The following AFG2A variants were observed in gnomAD, a reference collection of about 807,000 sequenced individuals.
The protein encoded by AFG2A is ATPase family gene 2 protein homolog A.
the AFG2A span, among the ~76,000 whole-genome samples, chr4:122,985,445 C>G: frequency 6.6e-6 from 1 of 152,058 alleles, no homozygotes; most frequent in African/African-American, 2.4e-5. Context: ...TTTTAAATTA[C>G]CATTTCAATC....
At chr4:123,162,270 A>G in the AFG2A span, among the ~76,000 whole-genome samples, 2 of 152,228 alleles carry the variant, frequency 1.3e-5, no homozygotes, top group African/African-American at 4.8e-5. Context: ...ACCACCTTCA[A>G]ATACATGCAA....
the AFG2A span, among the ~76,000 whole-genome samples, chr4:123,138,852 T>C: frequency 6.6e-6 from 1 of 152,028 alleles, no homozygotes; most frequent in East Asian, 1.9e-4. Context: ...ACATTTTTTC[T>C]TAGGATACCA....
the AFG2A span, among the ~76,000 whole-genome samples, chr4:123,228,186 G>A: frequency 2.5e-4 from 38 of 152,044 alleles, no homozygotes; most frequent in African/African-American, 5.6e-4. Flanking sequence ...TTGCCAGTCC[G>A]TGTATTTTAA....
chr4:122,979,154 T>A, the AFG2A span: 1 of 1,509,846 alleles, frequency 6.6e-7, no homozygotes, highest in Non-Finnish European at 8.9e-7. Flanking sequence ...CCACTCCAGA[T>A]GGGCCACCGG....
the AFG2A span, among the ~76,000 whole-genome samples, chr4:123,062,108 A>G: frequency 6.6e-6 from 1 of 152,226 alleles, no homozygotes; most frequent in East Asian, 1.9e-4. Flanking sequence ...AATGATTTGC[A>G]GCTTCTAGAT....
chr4:123,054,800 A>C, the AFG2A span, among the ~76,000 whole-genome samples: 1 of 152,098 alleles, frequency 6.6e-6, no homozygotes, highest in Non-Finnish European at 1.5e-5. Context: ...TCCACAACAC[A>C]TTAATTTTAT....
the AFG2A span, among the ~76,000 whole-genome samples, chr4:122,923,720 C>T: frequency 6.6e-6 from 1 of 152,162 alleles, no homozygotes; most frequent in Non-Finnish European, 1.5e-5. Context: ...ATAGCATTTT[C>T]TTCCAGTACT....
At chr4:123,116,096 G>T in the AFG2A span, among the ~76,000 whole-genome samples, 4 of 151,948 alleles carry the variant, frequency 2.6e-5, no homozygotes, top group Non-Finnish European at 5.9e-5. Context: ...ACAGGGTCTT[G>T]CTTTGTTGTG....
the AFG2A span, chr4:122,938,252 A>G: frequency 6.3e-7 from 1 of 1,594,184 alleles, no homozygotes; most frequent in Non-Finnish European, 8.5e-7. Flanking sequence ...TTGGTTCAGT[A>G]AGTATAGCAC....
the AFG2A span, among the ~76,000 whole-genome samples, chr4:123,047,772 A>C: frequency 5.6e-4 from 85 of 150,996 alleles, no homozygotes; most frequent in Non-Finnish European, 3.2e-4. Flanking sequence ...GTGTGATCTT[A>C]GCTTACTTCA....
chr4:123,240,947 G>T, the AFG2A span, among the ~76,000 whole-genome samples: 1 of 151,928 alleles, frequency 6.6e-6, no homozygotes, highest in Admixed American at 6.6e-5. Flanking sequence ...ATGATAAAGG[G>T]GATATCACCA....
At chr4:122,935,874 C>T in the AFG2A span, 18 of 1,554,546 alleles carry the variant, frequency 1.2e-5, no homozygotes, top group Non-Finnish European at 1.6e-5. Context: ...AGTAAACTTA[C>T]TATTAAATAT....
chr4:123,191,362 T>TC, the AFG2A span, among the ~76,000 whole-genome samples: 1 of 17,540 alleles, frequency 5.7e-5, no homozygotes, highest in African/African-American at 1.5e-4. Flanking sequence ...CTCTGGACTC[T>TC]TTTTTTTTTT....
the AFG2A span, among the ~76,000 whole-genome samples, chr4:123,190,054 C>G: frequency 6.6e-6 from 1 of 152,076 alleles, no homozygotes; most frequent in African/African-American, 2.4e-5. Context: ...CCCACTGCAG[C>G]CTCCCAAAGT....
At chr4:122,975,700 A>G in the AFG2A span, among the ~76,000 whole-genome samples, 1 of 152,066 alleles carries the variant, frequency 6.6e-6, no homozygotes, top group Admixed American at 6.6e-5. Context: ...ATGGACAGTA[A>G]GCATGTCTAT....
At chr4:123,249,622 G>T in the AFG2A span, among the ~76,000 whole-genome samples, 1 of 152,168 alleles carries the variant, frequency 6.6e-6, no homozygotes, top group African/African-American at 2.4e-5. Context: ...AAATGATTGT[G>T]TTGGCTTGAT....
At chr4:123,245,116 G>A in the AFG2A span, among the ~76,000 whole-genome samples, 2 of 152,114 alleles carry the variant, frequency 1.3e-5, no homozygotes, top group South Asian at 2.1e-4. Flanking sequence ...AAATTAGAGA[G>A]GTGTGAAGAA....
chr4:123,239,039 T>C, the AFG2A span, among the ~76,000 whole-genome samples: 1 of 152,104 alleles, frequency 6.6e-6, no homozygotes, highest in Non-Finnish European at 1.5e-5. Context: ...TCGTGACACA[T>C]GCACAAACTT....
At chr4:123,050,784 G>A in the AFG2A span, among the ~76,000 whole-genome samples, 3 of 147,894 alleles carry the variant, frequency 2.0e-5, no homozygotes, top group Non-Finnish European at 3.0e-5. Flanking sequence ...TCGCCCTTTC[G>A]CCCAGACTGG....
Sources: allele counts gnomAD v4.1 joint callset (sites outside exome capture counted in the v4.1 genomes callset), GRCh38; gene constraint gnomAD v4.1.1; transcripts MANE v1.5; gene names NCBI Gene and HGNC (gene_info 2026-07-23, HGNC 2026-07-21).